The following KRT3 variants were observed in gnomAD, a reference collection of about 807,000 sequenced individuals.
KRT3 encodes keratin 3, also known as keratin, type II cytoskeletal 3.
A neutral mutation model predicts 45.8 loss-of-function variants in KRT3; 34 were observed. The observed-to-expected ratio is 0.74, with a 90% confidence interval of 0.57 to 0.99. KRT3 has a LOEUF of 0.99. Among genes scored for constraint, KRT3 ranks in the 50% least tolerant of loss-of-function variants. The pLI is 0.00. For synonymous variants in KRT3, 367 were observed against 329.0 expected, an observed-to-expected ratio of 1.12 and a Z score of -1.25; for missense variants, 828 against 820.6, an observed-to-expected ratio of 1.01 and a Z score of -0.11.
Position 52,792,300 on chromosome 12 carries a change from G to A in KRT3, c.1127C>T (p.Ala376Val). 1 of 1,614,058 alleles carries A rather than the reference G, an allele frequency of 6.2e-7. No homozygotes were observed. The highest frequency in any genetic ancestry group is 1.1e-5 in the South Asian group (1 of 91,074). The change falls in exon 5 of 9, where the codon GCA (alanine) becomes GTA (valine). Residue 376 changes from alanine to valine, a missense_variant. By Grantham distance (64) the Ala-to-Val change is moderately conservative (BLOSUM62 0). Coordinates refer to ENST00000417996, the MANE Select transcript of KRT3 (RefSeq NM_057088.3). ...TCTCTGAGCGATATCCTCATACTGT[G>A]CACGAACTTCAGCAATGATGCTGTC... is the stretch of plus-strand genomic sequence containing the variant. ...DLDSIIAEVR[A>V]QYEDIAQRSK...
In KRT3 at chr12:52,796,053, T is replaced by G. The variant is rs535660288; in HGVS notation, c.-11A>C. On this transcript the variant is annotated 5_prime_UTR_variant, in exon 1 of 9. Transcript: ENST00000417996. ...GGCTTGTCTGCTCATGGTAAGGAGC[T>G]TGGCGAAGAGAAGAGTGTAAGTTAA... 6.2e-6 allele frequency: 10 copies of G among 1,612,390 alleles called. No homozygotes were observed. The African/African-American group carries it at 1.3e-4, about 22-fold the overall frequency.
At chr12:52,792,862 CA>C in intron 3 of KRT3, 56 bp from the exon 4 acceptor site, 3 of 1,151,360 alleles carry the variant, frequency 2.6e-6, no homozygotes, top group Non-Finnish European at 3.9e-6. Context: ...CAGCAAACCA[CA>C]ACTGCAGCAA....
rs1179368128 is a variant in KRT3 at position 52,790,265 on chromosome 12, C to A, written c.1664G>T (p.Ser555Ile). 3.9e-6 allele frequency: 6 copies of A among 1,551,874 alleles called. No individual in the cohort carries two copies. Among genetic ancestry groups the A allele is most frequent in the Non-Finnish European group, 5.2e-6 (6 of 1,147,446 alleles). ...GMGGGLGGGFSAGGGSGSGFG... is the reference protein window; with the variant it reads ...GMGGGLGGGFIAGGGSGSGFG... ...GCCACTGCCTGAGCCGCCGCCCGCA[C>A]TGAAGCCACCTCCTAAACCACCGCC... The change falls in exon 9 of 9, where the codon AGT (serine) becomes ATT (isoleucine). Residue 555 changes from serine to isoleucine, a missense_variant. Ser to Ile is a moderately radical substitution (Grantham distance 142). Coordinates refer to ENST00000417996, the MANE Select transcript of KRT3 (RefSeq NM_057088.3).
chr12:52,789,685 T>G lies in KRT3; in HGVS notation c.*357A>C. ...GGAGCGAATACTCAGAGGCCCGGAG[T>G]GAAACACAGTGCACTTTATTGGCGA... is the stretch of plus-strand genomic sequence containing the variant. On this transcript the variant is annotated 3_prime_UTR_variant, in exon 9 of 9. Coordinates refer to ENST00000417996, the MANE Select transcript of KRT3 (RefSeq NM_057088.3). 1 of 395,692 alleles carries G rather than the reference T, an allele frequency of 2.5e-6. No homozygotes were observed. The highest frequency in any genetic ancestry group is 3.6e-5 in the South Asian group (1 of 27,682). 24.5% of individuals were successfully genotyped at this position (395,692 alleles called of 1,614,324 possible). A position where few individuals can be genotyped will look rare whatever the true frequency, so the allele number is the denominator to read the frequency against.
At chr12:52,791,102 C>A in intron 7 of KRT3, 104 bp downstream of exon 7, 1 of 1,563,748 alleles carries the variant, frequency 6.4e-7, no homozygotes. Context: ...CACAAGGCCT[C>A]TCTTTATACA....
At position 52,792,416 on chromosome 12, in the gene KRT3, A is replaced by T. The variant is rs374448962; in HGVS notation, c.1024-13T>A. ...TCTGAGATAGCTCCTGTCAACACAG[A>T]GGGAGCTTGTTCACTTTTGGGGTCC... On this transcript the variant is annotated splice_polypyrimidine_tract_variant and intron_variant, in intron 4 of 8. Transcript: ENST00000417996. 46 of 1,612,990 alleles carry T rather than the reference A, an allele frequency of 2.9e-5. No homozygotes were observed. In the African/African-American group the frequency reaches 3.3e-4, roughly 12 times the overall value.
At chr12:52,792,496 G>A in intron 4 of KRT3, 93 bp from the exon 5 acceptor site, 1 of 1,295,248 alleles carries the variant, frequency 7.7e-7, no homozygotes. Flanking sequence ...CTCATTCACT[G>A]ATTCCTTGCT....
intron 8 of KRT3, among the ~76,000 whole-genome samples, 156 bp from the exon 9 acceptor site, chr12:52,790,514 TCACTCCC>T (rs1400315960): frequency 6.6e-6 from 1 of 152,210 alleles, no homozygotes; most frequent in Non-Finnish European, 1.5e-5. Context: ...CACTAGCTAC[TCACTCCC>T]CTGCCGTTAA....
Position 52,789,806 on chromosome 12 carries a change from C to T in KRT3, c.*236G>A, listed in dbSNP as rs1939442750. ...GGGACTCCGGGGCAGCAGAAGGTGGCGGCCTAGGCCACACCTGGACAATCA... is the reference window on the plus strand; with the variant it reads ...GGGACTCCGGGGCAGCAGAAGGTGGTGGCCTAGGCCACACCTGGACAATCA... On this transcript the variant is annotated 3_prime_UTR_variant, in exon 9 of 9. Transcript: ENST00000417996. 5 of 615,064 alleles carry T rather than the reference C, an allele frequency of 8.1e-6. No individual in the cohort carries two copies. Among genetic ancestry groups the T allele is most frequent in the Middle Eastern group, 4.3e-4 (1 of 2,330 alleles). 38.1% of individuals were successfully genotyped at this position (615,064 alleles called of 1,614,324 possible).
Position 52,791,708 on chromosome 12 carries a change from C to G in KRT3, c.1297G>C (p.Glu433Gln). 6.2e-7 allele frequency: 1 copy of G among 1,613,944 alleles called. No homozygotes were observed. The highest frequency in any genetic ancestry group is 1.7e-4 in the Middle Eastern group (1 of 6,060). Residue 433 changes from glutamate to glutamine, a missense_variant, in exon 6 of 9, where the codon GAG (glutamate) becomes CAG (glutamine). Coordinates refer to ENST00000417996, the MANE Select transcript of KRT3 (RefSeq NM_057088.3). ...RMIQRLRAEI[E>Q]GVKKQNANLQ... ...CATCCCACCTGCTTCTTGACACCCTCGATCTCTGCCCGCAGCCTCTGGATC... is the reference window on the plus strand; with the variant it reads ...CATCCCACCTGCTTCTTGACACCCTGGATCTCTGCCCGCAGCCTCTGGATC...
chr12:52,795,646 C>G lies in KRT3; in HGVS notation c.397G>C (p.Gly133Arg), dbSNP rs772649423. Reference sequence around the variant, plus strand: ...CCAGGACCACCAAAGCCACCAGCCCCTCCAAAGCCACCAGCCCCTCCAAAG... The same window carrying G: ...CCAGGACCACCAAAGCCACCAGCCCGTCCAAAGCCACCAGCCCCTCCAAAG... Reference protein sequence around the residue: ...GGFGGAGGFGGAGGFGGPGGF... With the variant: ...GGFGGAGGFGRAGGFGGPGGF... Residue 133 changes from glycine to arginine, a missense_variant, in exon 1 of 9, where the codon GGG becomes CGG. Gly to Arg is a moderately radical substitution (Grantham distance 125). Transcript: ENST00000417996. 6.9e-7 allele frequency: 1 copy of G among 1,447,242 alleles called. No individual in the cohort carries two copies. Among genetic ancestry groups the G allele is most frequent in the South Asian group, 1.5e-5 (1 of 67,258 alleles). 89.7% of individuals were successfully genotyped at this position (1,447,242 alleles called of 1,614,324 possible).
At position 52,790,309 on chromosome 12, in the gene KRT3, T is replaced by G. The variant is rs1270991406; in HGVS notation, c.1620A>C (p.Gly540=). ...TTSASAGGYG[G]GYGGGMGGGL... ...CACCGCCCATGCCTCCGCCGTAACC[T>G]CCTCCATAGCCACCTGCGGAGGCGG... The change falls in exon 9 of 9, where the codon GGA becomes GGC. Residue 540 remains glycine (G), a synonymous_variant. Coordinates refer to ENST00000417996, the MANE Select transcript of KRT3 (RefSeq NM_057088.3). The G allele has an allele frequency of 4.2e-5, 67 of 1,577,298 alleles. No individual in the cohort carries two copies. Among genetic ancestry groups the G allele is most frequent in the Non-Finnish European group, 5.3e-5 (61 of 1,161,334 alleles).
At position 52,795,725 on chromosome 12, in the gene KRT3, ACCAAAGCCACCTCCATAGCCGCTC is replaced by A. The variant is rs750279802; in HGVS notation, c.294_317del (p.Ser99_Gly106del). 2.3e-4 allele frequency: 364 copies of A among 1,612,842 alleles called. No homozygotes were observed. Among genetic ancestry groups the A allele is most frequent in the Middle Eastern group, 3.3e-4 (2 of 6,082 alleles). ...TTCCTCTGCCACCACCAAAGCCACC[ACCAAAGCCACCTCCATAGCCGCTC>A]CCAAAGCCACCTCCATAGCCACCTG... On this transcript the variant is annotated inframe_deletion, in exon 1 of 9. Coordinates refer to ENST00000417996, the MANE Select transcript of KRT3 (RefSeq NM_057088.3).
rs377035034 is a variant in KRT3 at position 52,794,171 on chromosome 12, C to T, written c.806G>A (p.Arg269Lys). 3 of 1,614,212 alleles carry T rather than the reference C, an allele frequency of 1.9e-6. No individual in the cohort carries two copies. Among genetic ancestry groups the T allele is most frequent in the East Asian group, 4.5e-5 (2 of 44,882 alleles). Residue 269 changes from arginine to lysine, a missense_variant, in exon 2 of 9, where the codon AGA becomes AAA. Coordinates refer to ENST00000417996, the MANE Select transcript of KRT3 (RefSeq NM_057088.3). ...CTTCAGCTCAGAGTCCAGGCGCCCT[C>T]TCTCCCCGAGGATGTTGTCCAGGTA... The part of the protein sequence containing the change: ...RSYLDNILGE[R>K]GRLDSELKNM...
At position 52,790,152 on chromosome 12, in the gene KRT3, A is replaced by AG. The variant is rs1415217420; in HGVS notation, c.1776dup (p.Ser593LeufsTer135). ...CCACTGACTCCATAGCGGGCGCCAG[A>AG]GATGGAGCCAAAGCCGCTGCCACCG... is the stretch of plus-strand genomic sequence containing the variant. On this transcript the variant is annotated frameshift_variant, in exon 9 of 9. Transcript: ENST00000417996. LOFTEE classifies it low-confidence loss of function (END_TRUNC). 6.9e-7 allele frequency: 1 copy of AG among 1,450,860 alleles called. No homozygotes were observed. Among genetic ancestry groups the AG allele is most frequent in the Non-Finnish European group, 9.2e-7 (1 of 1,081,124 alleles). 89.9% of individuals were successfully genotyped at this position (1,450,860 alleles called of 1,614,324 possible).
At position 52,795,927 on chromosome 12, in the gene KRT3, C is replaced by T. The variant is rs780016039; in HGVS notation, c.116G>A (p.Gly39Asp). 1 of 1,614,134 alleles carries T rather than the reference C, an allele frequency of 6.2e-7. No homozygotes were observed. The highest frequency in any genetic ancestry group is 2.2e-5 in the East Asian group (1 of 44,886). ...MSCVAHSGGAGGGAYGFRSGA... is the reference protein window; with the variant it reads ...MSCVAHSGGADGGAYGFRSGA... ...GCTCCGGAAGCCATAGGCCCCTCCG[C>T]CAGCTCCCCCAGAGTGGGCCACACA... The change falls in exon 1 of 9, where the codon GGC becomes GAC. Residue 39 changes from glycine (G) to aspartate (D), a missense_variant. Physicochemically the swap from Gly to Asp is moderately conservative, Grantham distance 94. Coordinates refer to ENST00000417996, the MANE Select transcript of KRT3 (RefSeq NM_057088.3).
chr12:52,791,480 C>T (rs1265394004), intron 6 of KRT3, 54 bp from the exon 7 acceptor site: 10 of 1,560,862 alleles, frequency 6.4e-6, no homozygotes, highest in Non-Finnish European at 6.2e-6. Context: ...CCAGGCCCTT[C>T]CTGACATGCA....
Position 52,791,293 on chromosome 12 carries a change from C to A in KRT3, c.1448G>T (p.Arg483Leu), listed in dbSNP as rs772349450. Residue 483 changes from arginine to leucine, a missense_variant, in exon 7 of 9, where the codon CGT (arginine) becomes CTT (leucine). Arg to Leu is a moderately radical substitution (Grantham distance 102). Coordinates refer to ENST00000417996, the MANE Select transcript of KRT3 (RefSeq NM_057088.3). ...GACATTCATCAGCTCCTGGTAGTCA[C>A]GTAGCAGCCGCGCCAGGTCATCCTT... ...QAKDDLARLL[R>L]DYQELMNVKL... The A allele has an allele frequency of 1.2e-6, 2 of 1,614,110 alleles. No individual in the cohort carries two copies. Among genetic ancestry groups the A allele is most frequent in the Non-Finnish European group, 1.7e-6 (2 of 1,180,038 alleles).
At chr12:52,793,366 C>T (rs4919750) in intron 2 of KRT3, 143 bp from the exon 3 acceptor site, 476,108 of 585,592 alleles carry the variant, frequency 0.81, 195,199 homozygotes, top group African/African-American at 0.93. Context: ...TCTTTACTAT[C>T]TCCCTGTTAG....
Sources: allele counts gnomAD v4.1 joint callset (sites outside exome capture counted in the v4.1 genomes callset), GRCh38; gene constraint gnomAD v4.1.1; transcripts MANE v1.5; gene names NCBI Gene and HGNC (gene_info 2026-07-23, HGNC 2026-07-21).